Variants in ADM observed in about 807,000 individuals in gnomAD.
ADM encodes pro-adrenomedullin.
A neutral mutation model predicts 9.0 loss-of-function variants in ADM; 4 were observed. The observed-to-expected ratio is 0.44, with a 90% CI of 0.22 to 1.02. The LOEUF is 1.02. ADM is among the 50% of genes least tolerant of loss of function. The pLI, the probability that ADM is intolerant of heterozygous loss-of-function variation, is 0.24. For missense variants in ADM, 253 were observed against 254.1 expected, an observed-to-expected ratio of 1.00 and a Z score of 0.03; for synonymous variants, 107 against 107.2, an observed-to-expected ratio of 1.00 and a Z score of 0.01.
intron 3 of ADM, 34 bp from the exon 4 acceptor site, chr11:10,306,298 A>G (rs748107126): frequency 1.3e-6 from 2 of 1,595,986 alleles, no homozygotes; most frequent in South Asian, 2.2e-5. Flanking sequence ...ATGGGGTCTC[A>G]AGTTGCCTTT....
Position 10,306,007 on chromosome 11 carries a change from C to T in ADM, c.157C>T (p.Pro53Ser). Residue 53 changes from proline to serine, a missense_variant, in exon 3 of 4, where the codon CCC (proline) becomes TCC (serine). Transcript: ENST00000278175. ...GGAACTGCGGATGTCCAGCAGCTAC[C>T]CCACCGGGCTCGCTGACGTGAAGGC... ...KRELRMSSSY[P>S]TGLADVKAGP... The T allele has an allele frequency of 2.5e-6, 4 of 1,614,010 alleles. No homozygotes were observed. Among genetic ancestry groups the T allele is most frequent in the South Asian group, 1.1e-5 (1 of 91,074 alleles).
At chr11:10,305,561 A>C (rs1373576064) in intron 1 of ADM, 119 bp from the exon 2 acceptor site, 1 of 792,022 alleles carries the variant, frequency 1.3e-6, no homozygotes, top group African/African-American at 1.7e-5. Flanking sequence ...TAAGCGTCTG[A>C]GCCAGGGAAA....
In ADM at chr11:10,307,289, G is replaced by C. The variant is rs1964673080; in HGVS notation, c.*648G>C. The C allele has an allele frequency of 6.6e-6, 1 of 152,644 alleles. No homozygotes were observed. The highest frequency in any genetic ancestry group is 1.5e-5 in the Non-Finnish European group (1 of 68,044). 9.5% of individuals were successfully genotyped at this position (152,644 alleles called of 1,614,324 possible). A position where few individuals can be genotyped will look rare whatever the true frequency, so the allele number is the denominator to read the frequency against. ...TGTGTTTGTGTGCATGAAAGAGAAA[G>C]ACTGATTACCTCCTGTGTGGAAGAA... On this transcript the variant is annotated 3_prime_UTR_variant, in exon 4 of 4. Transcript: ENST00000278175. This position sits in a 1 kb window ranked among gnomAD's most constrained non-coding sequence, Gnocchi z 4.5.
intron 3 of ADM, 21 bp downstream of exon 3, chr11:10,306,119 C>T (rs542362843): frequency 1.9e-6 from 3 of 1,612,060 alleles, no homozygotes; most frequent in African/African-American, 2.7e-5. Context: ...CCTGTGCTGT[C>T]CAGGGACGGG....
chr11:10,305,981 G>A lies in ADM; in HGVS notation c.131G>A (p.Arg44Lys), dbSNP rs987918571. ...WNKWALSRGK[R>K]ELRMSSSYPT... The stretch of plus-strand genomic sequence containing the variant: ...AAGTGGGCTCTGAGTCGTGGGAAGA[G>A]GGAACTGCGGATGTCCAGCAGCTAC... Residue 44 changes from arginine to lysine, a missense_variant, in exon 3 of 4, where the codon AGG becomes AAG. By Grantham distance (26) the Arg-to-Lys change is conservative (BLOSUM62 2). Transcript: ENST00000278175. The A allele has an allele frequency of 6.2e-7, 1 of 1,613,984 alleles. No homozygotes were observed. Among genetic ancestry groups the A allele is most frequent in the Non-Finnish European group, 8.5e-7 (1 of 1,180,032 alleles).
Position 10,305,936 on chromosome 11 carries a change from T to C in ADM, c.99-13T>C. ...CTGAACGCACGCGAATCGGGTCTGC[T>C]TGTGTTTTCCAGGTGGAATAAGTGG... On this transcript the variant is annotated splice_polypyrimidine_tract_variant and intron_variant, in intron 2 of 3. Transcript: ENST00000278175. 1 of 1,613,462 alleles carries C rather than the reference T, an allele frequency of 6.2e-7. No individual in the cohort carries two copies. The highest frequency in any genetic ancestry group is 1.1e-5 in the South Asian group (1 of 91,074).
chr11:10,305,660 C>T lies in ADM; in HGVS notation c.-21-20C>T, dbSNP rs1964645567. On this transcript the variant is annotated intron_variant, in intron 1 of 3. Coordinates refer to ENST00000278175, the MANE Select transcript of ADM (RefSeq NM_001124.3). ...AGCTGGCCCGGGTGCTCACGCTCGA[C>T]TCTCTTTCTTCTTTTCCAGGGTCTG... 8 of 1,598,786 alleles carry T rather than the reference C, an allele frequency of 5.0e-6. No homozygotes were observed. The highest frequency in any genetic ancestry group is 6.0e-6 in the Non-Finnish European group (7 of 1,169,970).
chr11:10,306,323 C>G lies in ADM; in HGVS notation c.249-9C>G. ...AAGTTGCCTTTCTTCCCCCTCCCCC[C>G]GCCCGCAGCAGTCCGGATGCCGCCC... On this transcript the variant is annotated splice_polypyrimidine_tract_variant and intron_variant, in intron 3 of 3. Coordinates refer to ENST00000278175, the MANE Select transcript of ADM (RefSeq NM_001124.3). 6.3e-7 allele frequency: 1 copy of G among 1,583,196 alleles called. No homozygotes were observed. Among genetic ancestry groups the G allele is most frequent in the Non-Finnish European group, 8.6e-7 (1 of 1,162,892 alleles).
chr11:10,306,540 T>C lies in ADM; in HGVS notation c.457T>C (p.Ser153Pro), dbSNP rs775154162. The C allele has an allele frequency of 2.0e-6, 3 of 1,530,412 alleles. No homozygotes were observed. Among genetic ancestry groups the C allele is most frequent in the African/African-American group, 1.4e-5 (1 of 71,626 alleles). The allele number at this position is 1,530,412 out of a possible 1,614,324, so 94.8% of individuals were successfully genotyped here. Residue 153 changes from serine (S) to proline (P), a missense_variant, in exon 4 of 4, where the codon TCC becomes CCC. By Grantham distance (74) the Ser-to-Pro change is moderately conservative. Coordinates refer to ENST00000278175, the MANE Select transcript of ADM (RefSeq NM_001124.3). ...PQGYGRRRRR[S>P]LPEAGPGRTL... ...GGGCTACGGCCGCCGGCGCCGGCGC[T>C]CCCTGCCCGAGGCCGGCCCGGGTCG...
Position 10,306,856 on chromosome 11 carries a change from C to T in ADM, c.*215C>T, listed in dbSNP as rs970591627. On this transcript the variant is annotated 3_prime_UTR_variant, in exon 4 of 4. Transcript: ENST00000278175. ...TTAGCCTTGCTCAGGTGCAAGTGCC[C>T]CAGGGGGCGGGGTGCAGAAGAATCC... 6.4e-6 allele frequency: 3 copies of T among 468,720 alleles called. No homozygotes were observed. The highest frequency in any genetic ancestry group is 2.0e-5 in the African/African-American group (1 of 49,180). 29.0% of individuals were successfully genotyped at this position (468,720 alleles called of 1,614,324 possible).
Position 10,305,209 on chromosome 11 carries a change from G to A in ADM, c.-42G>A, listed in dbSNP as rs1436407833. 3 of 165,022 alleles carry A rather than the reference G, an allele frequency of 1.8e-5. No individual in the cohort carries two copies. Among genetic ancestry groups the A allele is most frequent in the African/African-American group, 7.2e-5 (3 of 41,646 alleles). 10.2% of individuals were successfully genotyped at this position (165,022 alleles called of 1,614,324 possible). A position where few individuals can be genotyped will look rare whatever the true frequency, so the allele number is the denominator to read the frequency against. On this transcript the variant is annotated 5_prime_UTR_variant, in exon 1 of 4. Coordinates refer to ENST00000278175, the MANE Select transcript of ADM (RefSeq NM_001124.3). The stretch of plus-strand genomic sequence containing the variant: ...CTGAGACTTTCTCCTTCAAGTACTT[G>A]GCAGATCACTCTCTTAGCAGGTAGG...
intron 3 of ADM, 93 bp from the exon 4 acceptor site, chr11:10,306,239 G>A: frequency 6.5e-7 from 1 of 1,546,656 alleles, no homozygotes; most frequent in Non-Finnish European, 8.7e-7. Context: ...AGCTCCCTCT[G>A]GCTCTAGAAT....
At chr11:10,306,221 C>T in intron 3 of ADM, 111 bp from the exon 4 acceptor site, 2 of 1,531,208 alleles carry the variant, frequency 1.3e-6, no homozygotes, top group Non-Finnish European at 1.8e-6. Flanking sequence ...ATGGCGCGAG[C>T]AGTTTCCAGC....
chr11:10,305,986 C>T lies in ADM; in HGVS notation c.136C>T (p.Leu46=), dbSNP rs1206560151. 6.2e-7 allele frequency: 1 copy of T among 1,614,012 alleles called. No homozygotes were observed. The highest frequency in any genetic ancestry group is 1.7e-5 in the Admixed American group (1 of 60,032). ...GGCTCTGAGTCGTGGGAAGAGGGAA[C>T]TGCGGATGTCCAGCAGCTACCCCAC... ...KWALSRGKRE[L]RMSSSYPTGL... The change falls in exon 3 of 4, where the codon CTG becomes TTG. Residue 46 remains leucine, a synonymous_variant. Transcript: ENST00000278175.
rs1447258473 is a variant in ADM at position 10,306,591 on chromosome 11, G to A, written c.508G>A (p.Ala170Thr). The A allele has an allele frequency of 2.5e-6, 4 of 1,597,628 alleles. No homozygotes were observed. The South Asian group carries it at 3.3e-5, about 13-fold the overall frequency. Residue 170 changes from alanine to threonine, a missense_variant, in exon 4 of 4, where the codon GCA (alanine) becomes ACA (threonine). Transcript: ENST00000278175. ...GACTCTGGTGTCTTCTAAGCCACAA[G>A]CACACGGGGCTCCAGCCCCCCCGAG... ...GRTLVSSKPQAHGAPAPPSGS... is the reference protein window; with the variant it reads ...GRTLVSSKPQTHGAPAPPSGS...
chr11:10,306,077 C>T lies in ADM; in HGVS notation c.227C>T (p.Ala76Val). 1.2e-6 allele frequency: 2 copies of T among 1,613,928 alleles called. No individual in the cohort carries two copies. The highest frequency in any genetic ancestry group is 2.2e-5 in the East Asian group (1 of 44,864). ...TLIRPQDMKGASRSPEDSSPD... is the reference protein window; with the variant it reads ...TLIRPQDMKGVSRSPEDSSPD... ...ATTCGGCCCCAGGACATGAAGGGTG[C>T]CTCTCGAAGCCCCGAAGACAGGTAA... is the stretch of plus-strand genomic sequence containing the variant. Residue 76 changes from alanine (A) to valine (V), a missense_variant, in exon 3 of 4, where the codon GCC becomes GTC. Transcript: ENST00000278175.
Position 10,306,370 on chromosome 11 carries a change from G to T in ADM, c.287G>T (p.Arg96Leu). ...GCCCGCATCCGAGTCAAGCGCTACCGCCAGAGCATGAACAACTTCCAGGGC... is the reference window on the plus strand; with the variant it reads ...GCCCGCATCCGAGTCAAGCGCTACCTCCAGAGCATGAACAACTTCCAGGGC... ...DAARIRVKRY[R>L]QSMNNFQGLR... The change falls in exon 4 of 4, where the codon CGC (arginine) becomes CTC (leucine). Residue 96 changes from arginine (R) to leucine (L), a missense_variant. By Grantham distance (102) the Arg-to-Leu change is moderately radical. Transcript: ENST00000278175. 1 of 1,582,172 alleles carries T rather than the reference G, an allele frequency of 6.3e-7. No homozygotes were observed. The highest frequency in any genetic ancestry group is 1.1e-5 in the South Asian group (1 of 90,308).
chr11:10,306,188 G>C, intron 3 of ADM, 90 bp downstream of exon 3: 1 of 1,553,542 alleles, frequency 6.4e-7, no homozygotes, highest in Non-Finnish European at 8.7e-7. Flanking sequence ...CCGGGGGATC[G>C]TCGGGGCTGG....
intron 1 of ADM, 104 bp from the exon 2 acceptor site, chr11:10,305,576 G>C: frequency 1.1e-6 from 1 of 916,970 alleles, no homozygotes; most frequent in Non-Finnish European, 1.7e-6. Flanking sequence ...GGGAAAGCGC[G>C]GGCTAAACCC....
Sources: allele counts gnomAD v4.1 joint callset, GRCh38; gene constraint gnomAD v4.1.1; non-coding constraint Gnocchi (gnomAD v3.1); transcripts MANE v1.5; gene names NCBI Gene and HGNC (gene_info 2026-07-23, HGNC 2026-07-21).